Variants in ZFYVE28 observed in about 807,000 individuals in gnomAD.
ZFYVE28 encodes zinc finger FYVE-type containing 28.
Under a neutral mutation model 82.1 loss-of-function variants are expected in ZFYVE28, and 40 were observed. That is an observed-to-expected ratio of 0.49 (90% CI 0.38 to 0.63). The LOEUF is 0.63. Ranked by LOEUF, ZFYVE28 falls within the 30% of genes least tolerant of loss-of-function variation. ZFYVE28 has a pLI of 0.00. For synonymous variants in ZFYVE28, 612 were observed against 546.1 expected, an observed-to-expected ratio of 1.12 and a Z score of -1.68; for missense variants, 1,321 against 1,242.1, an observed-to-expected ratio of 1.06 and a Z score of -0.96.
chr4:2,304,722 G>T lies in ZFYVE28; in HGVS notation c.1618C>A (p.Pro540Thr). 6.2e-7 allele frequency: 1 copy of T among 1,612,706 alleles called. No homozygotes were observed. Among genetic ancestry groups the T allele is most frequent in the South Asian group, 1.1e-5 (1 of 91,080 alleles). ...CCGCCATCCATCCCCTCGGCCACGG[G>T]CTCCGAGGCGGCCTCCTGGGTGGCG... ...AVATQEAASE[P>T]VAEGMDGGPH... The change falls in exon 8 of 13, where the codon CCC (proline) becomes ACC (threonine). Residue 540 changes from proline to threonine, a missense_variant. Pro to Thr is a conservative substitution (Grantham distance 38). Coordinates refer to ENST00000290974, the MANE Select transcript of ZFYVE28 (RefSeq NM_020972.3).
chr4:2,344,535 T>C (rs1723243751), intron 2 of ZFYVE28, among the ~76,000 whole-genome samples: 1 of 152,136 alleles, frequency 6.6e-6, no homozygotes, highest in Non-Finnish European at 1.5e-5. Flanking sequence ...CAACCAAAAA[T>C]ATTTACAGTA....
chr4:2,273,317 G>T, intron 9 of ZFYVE28, 28 bp from the exon 10 acceptor site: 1 of 1,589,618 alleles, frequency 6.3e-7, no homozygotes, highest in South Asian at 1.1e-5. Context: ...CAGTAACCAC[G>T]ACAGAAGGAC....
chr4:2,294,426 A>G (rs1194997775), intron 8 of ZFYVE28, among the ~76,000 whole-genome samples: 1 of 152,368 alleles, frequency 6.6e-6, no homozygotes, highest in Non-Finnish European at 1.5e-5. Flanking sequence ...GCCTCACACC[A>G]TATACATGAG....
intron 8 of ZFYVE28, among the ~76,000 whole-genome samples, chr4:2,275,618 T>C (rs1429500634): frequency 6.6e-6 from 1 of 152,230 alleles, no homozygotes; most frequent in South Asian, 2.1e-4. Context: ...TTGCCCCAAA[T>C]GTTCGGGGAT....
At chr4:2,273,078 G>T in intron 10 of ZFYVE28, 95 bp downstream of exon 10, 1 of 1,042,938 alleles carries the variant, frequency 9.6e-7, no homozygotes, top group Non-Finnish European at 1.4e-6. Flanking sequence ...TATCTCCCCA[G>T]GGCCAGAAGG....
At chr4:2,271,218 C>T in intron 12 of ZFYVE28, 93 bp downstream of exon 12, 5 of 1,334,264 alleles carry the variant, frequency 3.7e-6, no homozygotes, top group East Asian at 2.5e-5. Flanking sequence ...TCGCTGGCCT[C>T]CCTGGGCATC....
At chr4:2,376,068 T>C (rs1728100862) in intron 1 of ZFYVE28, among the ~76,000 whole-genome samples, 1 of 151,806 alleles carries the variant, frequency 6.6e-6, no homozygotes. Context: ...AGAGACGAGG[T>C]TTCACCATGT....
Position 2,408,533 on chromosome 4 carries a change from A to C in ZFYVE28, c.39+9752T>G, listed in dbSNP as rs1017689673. ...CCAGCCGGGGTGGACCAAAGGCCGC[A>C]GATGGTTCAGCTGGCTGACCCTTCC... On this transcript the variant is annotated intron_variant, in intron 1 of 12. Coordinates refer to ENST00000290974, the MANE Select transcript of ZFYVE28 (RefSeq NM_020972.3). The surrounding 1 kb of genome is among the most constrained non-coding windows in gnomAD (Gnocchi z 4.3). Among the ~76,000 whole-genome samples, 13 of 152,224 alleles carry C rather than the reference A, an allele frequency of 8.5e-5. No homozygotes were observed. The highest frequency in any genetic ancestry group is 3.1e-4 in the African/African-American group (13 of 41,458).
chr4:2,416,492 C>G lies in ZFYVE28; in HGVS notation c.39+1793G>C, dbSNP rs1189300102. 6.6e-6 allele frequency among the ~76,000 whole-genome samples: 1 copy of G among 152,198 alleles called. No individual in the cohort carries two copies. Among genetic ancestry groups the G allele is most frequent in the Non-Finnish European group, 1.5e-5 (1 of 68,036 alleles). On this transcript the variant is annotated intron_variant, in intron 1 of 12. Coordinates refer to ENST00000290974, the MANE Select transcript of ZFYVE28 (RefSeq NM_020972.3). The surrounding 1 kb of genome is among the most constrained non-coding windows in gnomAD (Gnocchi z 4.6). ...ACAGAAAATAATGCTGCTGCACGCC[C>G]CCAAAACGCCGTTTTACAAGCAGAC...
intron 1 of ZFYVE28, among the ~76,000 whole-genome samples, chr4:2,400,014 G>A (rs548607515): frequency 2.6e-5 from 4 of 152,294 alleles, no homozygotes; most frequent in Admixed American, 1.3e-4. Flanking sequence ...CGCACAGGGC[G>A]GGGACAGCCC....
intron 1 of ZFYVE28, among the ~76,000 whole-genome samples, chr4:2,383,448 G>A (rs1186927665): frequency 6.6e-6 from 1 of 152,116 alleles, no homozygotes; most frequent in East Asian, 1.9e-4. Flanking sequence ...CCACAGCCAC[G>A]TGGAACTACA....
At chr4:2,357,882 A>C (rs552099679) in intron 1 of ZFYVE28, among the ~76,000 whole-genome samples, 98 of 152,254 alleles carry the variant, frequency 6.4e-4, no homozygotes, top group Non-Finnish European at 1.1e-3. Context: ...AAACCTCACA[A>C]CACTAGTGCA....
chr4:2,315,849 T>C (rs192281372), intron 7 of ZFYVE28, among the ~76,000 whole-genome samples: 44 of 152,350 alleles, frequency 2.9e-4, no homozygotes, highest in Middle Eastern at 3.4e-3. Flanking sequence ...CCATGACTTC[T>C]TTGAATATTA....
Position 2,273,323 on chromosome 4 carries a change from A to G in ZFYVE28, c.2207-34T>C, listed in dbSNP as rs1295793267. 3 of 1,584,996 alleles carry G rather than the reference A, an allele frequency of 1.9e-6. No individual in the cohort carries two copies. The Admixed American group carries it at 5.0e-5, about 27-fold the overall frequency. ...GGAAGGCCACAGTAACCACGACAGA[A>G]GGACGGATGGAAGGAACTGCGGAGG... On this transcript the variant is annotated intron_variant, in intron 9 of 12. Coordinates refer to ENST00000290974, the MANE Select transcript of ZFYVE28 (RefSeq NM_020972.3).
At chr4:2,279,425 G>A (rs1481871896) in intron 8 of ZFYVE28, among the ~76,000 whole-genome samples, 6 of 150,802 alleles carry the variant, frequency 4.0e-5, no homozygotes, top group South Asian at 2.1e-4. Flanking sequence ...GCGAGACTCC[G>A]TCTAAAAAAA....
intron 8 of ZFYVE28, among the ~76,000 whole-genome samples, chr4:2,299,573 C>G: frequency 1.1e-4 from 2 of 17,630 alleles, no homozygotes. Flanking sequence ...TGCCACTGCA[C>G]TCCAGCCTGG....
chr4:2,297,139 C>G (rs1185716119), intron 8 of ZFYVE28, among the ~76,000 whole-genome samples: 2 of 152,272 alleles, frequency 1.3e-5, no homozygotes, highest in East Asian at 3.8e-4. Context: ...AGGTGACTCC[C>G]CACGCAGCGG....
intron 6 of ZFYVE28, among the ~76,000 whole-genome samples, chr4:2,327,023 A>C (rs1719934973): frequency 6.6e-6 from 1 of 151,876 alleles, no homozygotes; most frequent in East Asian, 1.9e-4. Flanking sequence ...AGGCCGAGGC[A>C]GGTGGATCAC....
chr4:2,350,083 AAAGG>A (rs1360479670), intron 2 of ZFYVE28, among the ~76,000 whole-genome samples: 1 of 151,626 alleles, frequency 6.6e-6, no homozygotes, highest in Non-Finnish European at 1.5e-5. Context: ...TCCAGAGAGA[AAAGG>A]AAGAAGTGAA....
Sources: gnomAD v4.1 joint callset for allele counts (sites outside exome capture counted in the v4.1 genomes callset) on GRCh38, gnomAD v4.1.1 for gene constraint, Gnocchi (gnomAD v3.1) non-coding constraint, MANE v1.5 for transcripts, NCBI Gene and HGNC (gene_info 2026-07-23, HGNC 2026-07-21) for gene names.